The following OR51B5 variants were observed in gnomAD, a reference collection of about 807,000 sequenced individuals.
OR51B5 encodes olfactory receptor 51B5.
For synonymous variants in OR51B5, 186 were observed against 144.8 expected, an observed-to-expected ratio of 1.28 and a Z score of -2.04; for missense variants, 456 against 374.6, an observed-to-expected ratio of 1.22 and a Z score of -1.79.
intron 1 of OR51B5, among the ~76,000 whole-genome samples, chr11:5,405,948 C>T (rs762984178): frequency 6.6e-6 from 1 of 152,154 alleles, no homozygotes; most frequent in African/African-American, 2.4e-5. Flanking sequence ...CAAGAAGAAT[C>T]ATTTCATCAA....
intron 1 of OR51B5, among the ~76,000 whole-genome samples, chr11:5,479,135 G>A (rs1378979590): frequency 1.3e-5 from 2 of 149,032 alleles, no homozygotes; most frequent in Non-Finnish European, 3.0e-5. Flanking sequence ...CCCTCAAAGG[G>A]AAGCCCATCA....
chr11:5,388,999 G>A (rs1447812254), intron 1 of OR51B5, among the ~76,000 whole-genome samples: 1 of 152,148 alleles, frequency 6.6e-6, no homozygotes, highest in African/African-American at 2.4e-5. Flanking sequence ...GAAATCAAAA[G>A]AGAGAAAGAC....
intron 1 of OR51B5, chr11:5,351,783 T>A (rs139595667): frequency 6.2e-7 from 1 of 1,614,132 alleles, no homozygotes; most frequent in African/African-American, 1.3e-5. Context: ...AGATTGGCCA[T>A]GGAGCCTGCT....
intron 1 of OR51B5, chr11:5,352,193 GA>G (rs754295345): frequency 9.3e-6 from 15 of 1,614,124 alleles, no homozygotes; most frequent in Non-Finnish European, 1.0e-5. Context: ...ATTGGTTCTG[GA>G]GGAGAAAGGG....
chr11:5,470,825 AC>A (rs1406850732), intron 1 of OR51B5, among the ~76,000 whole-genome samples: 13 of 152,120 alleles, frequency 8.5e-5, no homozygotes, highest in Admixed American at 8.5e-4. Context: ...AACATCTTCA[AC>A]CAAAATATCT....
chr11:5,377,031 C>A (rs1589962325), intron 1 of OR51B5, among the ~76,000 whole-genome samples: 1 of 152,160 alleles, frequency 6.6e-6, no homozygotes, highest in East Asian at 1.9e-4. Flanking sequence ...AGATGAATAT[C>A]CCTGATGAAC....
At chr11:5,475,698 A>T (rs1034552307) in intron 1 of OR51B5, among the ~76,000 whole-genome samples, 4 of 152,204 alleles carry the variant, frequency 2.6e-5, no homozygotes, top group Non-Finnish European at 5.9e-5. Context: ...AAATTCCATG[A>T]AACATGACCA....
chr11:5,440,674 C>T (rs1434458520), intron 1 of OR51B5: 4 of 1,613,920 alleles, frequency 2.5e-6, no homozygotes, highest in Non-Finnish European at 3.4e-6. Context: ...AACAGGTAGA[C>T]ATTGGACATC....
intron 1 of OR51B5, among the ~76,000 whole-genome samples, chr11:5,355,762 TAAAAAAAAA>T (rs10581803): frequency 2.0e-5 from 3 of 148,492 alleles, no homozygotes; most frequent in African/African-American, 5.0e-5. Flanking sequence ...CTTTAAAAAT[TAAAAAAAAA>T]AAAAAGAGTA....
At chr11:5,394,463 C>G (rs1376244293) in intron 1 of OR51B5, among the ~76,000 whole-genome samples, 2 of 152,208 alleles carry the variant, frequency 1.3e-5, no homozygotes, top group Non-Finnish European at 2.9e-5. Flanking sequence ...TTTAAATCAT[C>G]TGGCCCATTC....
chr11:5,423,028 T>G (rs1196826245), intron 1 of OR51B5: 1 of 1,614,110 alleles, frequency 6.2e-7, no homozygotes. Flanking sequence ...TGGTCCATGT[T>G]ATCATGGCCA....
rs985264459 is a variant in OR51B5, at chr11:5,485,053, A to T, written n.84+20516T>A. Among the ~76,000 whole-genome samples the T allele has an allele frequency of 2.6e-5, 4 of 152,198 alleles. 1 individual carries two copies. The highest frequency in any genetic ancestry group is 2.0e-4 in the Admixed American group (3 of 15,278). On this transcript the variant is annotated intron_variant and non_coding_transcript_variant, in intron 1 of 4. Coordinates refer to the OR51B5 transcript ENST00000415970. ...AGTACATCATCTACATAACCTGCAA[A>T]GAATATGGTACCCTAACTATGATTT...
At chr11:5,395,126 G>T (rs1036341160) in intron 1 of OR51B5, among the ~76,000 whole-genome samples, 1 of 152,164 alleles carries the variant, frequency 6.6e-6, no homozygotes, top group Admixed American at 6.5e-5. Context: ...CATCTCAAAT[G>T]CTTTGGTCTA....
intron 1 of OR51B5, among the ~76,000 whole-genome samples, chr11:5,384,410 T>C (rs1849653982): frequency 6.6e-6 from 1 of 152,060 alleles, no homozygotes; most frequent in Non-Finnish European, 1.5e-5. Flanking sequence ...TCTTCTGATA[T>C]TCTCAGAGTC....
chr11:5,470,620 T>C (rs1472621321), intron 1 of OR51B5, among the ~76,000 whole-genome samples: 1 of 152,236 alleles, frequency 6.6e-6, no homozygotes, highest in Non-Finnish European at 1.5e-5. Flanking sequence ...AATTGAACTT[T>C]ATGTCAATTA....
intron 1 of OR51B5, among the ~76,000 whole-genome samples, chr11:5,360,999 G>T (rs1264897873): frequency 7.3e-5 from 11 of 151,238 alleles, no homozygotes; most frequent in Non-Finnish European, 1.6e-4. Context: ...GTGGGGTGGG[G>T]GTCGGGGGGA....
At chr11:5,355,923 G>C (rs1025983764) in intron 1 of OR51B5, among the ~76,000 whole-genome samples, 67 of 152,152 alleles carry the variant, frequency 4.4e-4, no homozygotes, top group Non-Finnish European at 7.1e-4. Flanking sequence ...TGAGGGTCCT[G>C]TTAGAAGGAA....
At chr11:5,351,670 G>A (rs1849089960) in intron 1 of OR51B5, 2 of 1,614,090 alleles carry the variant, frequency 1.2e-6, no homozygotes, top group Non-Finnish European at 1.7e-6. Flanking sequence ...TAACCTCCAT[G>A]AGCCCATGTA....
chr11:5,400,443 AT>A (rs1849951408), intron 1 of OR51B5, among the ~76,000 whole-genome samples: 1 of 151,648 alleles, frequency 6.6e-6, no homozygotes, highest in South Asian at 2.1e-4. Flanking sequence ...TGCCATGATA[AT>A]TTCCCCTCTT....
Sources: gnomAD v4.1 joint callset for allele counts (sites outside exome capture counted in the v4.1 genomes callset) on GRCh38, gnomAD v4.1.1 for gene constraint, MANE v1.5 for transcripts, NCBI Gene and HGNC (gene_info 2026-07-23, HGNC 2026-07-21) for gene names.